Variants in BANP observed in about 807,000 individuals in gnomAD.
BANP encodes the protein BTG3 associated nuclear protein.
A neutral mutation model predicts 68.1 loss-of-function variants in BANP; 11 were observed. That is an observed-to-expected ratio of 0.16 (90% CI 0.10 to 0.27). The LOEUF is 0.27. Among genes scored for constraint, BANP ranks in the 10% least tolerant of loss-of-function variants. The probability of loss-of-function intolerance (pLI) is 1.00; values close to 1 mark genes in which losing one functional copy is unlikely to be tolerated. For missense variants in BANP, 504 were observed against 722.7 expected (o/e 0.70, Z 3.47); for synonymous variants, 329 against 303.2 (o/e 1.09, Z -0.88).
chr16:87,954,708 G>C (rs763160942), intron 1 of BANP, among the ~76,000 whole-genome samples: 1 of 152,232 alleles, frequency 6.6e-6, no homozygotes, highest in East Asian at 1.9e-4. Flanking sequence ...GGAGCCCCAC[G>C]CCTGTGCCCC....
At chr16:87,956,392 C>T (rs906978056) in intron 1 of BANP, among the ~76,000 whole-genome samples, 4 of 152,172 alleles carry the variant, frequency 2.6e-5, no homozygotes, top group African/African-American at 7.2e-5. Context: ...TCTCTTCACA[C>T]GGGTGACGGT....
intron 11 of BANP, among the ~76,000 whole-genome samples, chr16:88,040,586 C>G (rs1168897839): frequency 2.0e-5 from 3 of 152,218 alleles, no homozygotes; most frequent in Non-Finnish European, 4.4e-5. Flanking sequence ...GGCCCATTCC[C>G]TCTCCTCCCC....
chr16:88,037,677 G>A, intron 10 of BANP: 1 of 425,308 alleles, frequency 2.4e-6, no homozygotes, highest in East Asian at 4.7e-5. Context: ...TTGTGAGTCA[G>A]ATTCTTTCAA....
intron 11 of BANP, among the ~76,000 whole-genome samples, chr16:88,052,027 C>A (rs1408377619): frequency 6.6e-6 from 1 of 152,192 alleles, no homozygotes; most frequent in Non-Finnish European, 1.5e-5. Context: ...TAGCTGCCCT[C>A]AGATACCTCT....
chr16:88,020,518 G>A (rs1388680557), intron 7 of BANP, among the ~76,000 whole-genome samples: 5 of 152,284 alleles, frequency 3.3e-5, no homozygotes, highest in African/African-American at 9.6e-5. Context: ...GTGCGGTCAG[G>A]TAGATAGAAA....
At chr16:87,974,991 A>G (rs1396618817) in intron 1 of BANP, 57 bp from the exon 2 acceptor site, 3 of 796,268 alleles carry the variant, frequency 3.8e-6, no homozygotes, top group Admixed American at 4.6e-5. Context: ...GGTTTTCATA[A>G]TTTCACGTGT....
chr16:87,956,845 G>A (rs967075934), intron 1 of BANP: 7 of 152,138 alleles, frequency 4.6e-5, no homozygotes, highest in Admixed American at 2.6e-4. Flanking sequence ...AACACTCTCC[G>A]CCACCCTCCA....
chr16:88,060,335 T>G (rs1459769150), intron 11 of BANP, among the ~76,000 whole-genome samples: 1 of 152,214 alleles, frequency 6.6e-6, no homozygotes, highest in Non-Finnish European at 1.5e-5. Context: ...ACTTGGATGG[T>G]CAGTGTGGGG....
At chr16:88,038,404 G>A (rs1242468295) in intron 11 of BANP, among the ~76,000 whole-genome samples, 1 of 152,180 alleles carries the variant, frequency 6.6e-6, no homozygotes, top group African/African-American at 2.4e-5. Context: ...AGGGCTTGGG[G>A]GTTACATTTG....
At chr16:88,056,476 T>C (rs1223524864) in intron 11 of BANP, among the ~76,000 whole-genome samples, 1 of 147,832 alleles carries the variant, frequency 6.8e-6, no homozygotes, top group Non-Finnish European at 1.5e-5. Flanking sequence ...TTTTTTTTTT[T>C]AGAGAGAGAA....
At chr16:88,058,620 C>T (rs1345480516) in intron 11 of BANP, among the ~76,000 whole-genome samples, 4 of 152,158 alleles carry the variant, frequency 2.6e-5, no homozygotes, top group Non-Finnish European at 4.4e-5. Flanking sequence ...ATCGTTCTTT[C>T]CATTTTCTCT....
intron 4 of BANP, among the ~76,000 whole-genome samples, chr16:87,986,461 A>G (rs376800038): frequency 6.6e-6 from 1 of 152,288 alleles, no homozygotes; most frequent in East Asian, 1.9e-4. Context: ...CTTGGATTCC[A>G]TCTGCACAGG....
chr16:88,008,687 T>C (rs2072041996), intron 6 of BANP, among the ~76,000 whole-genome samples: 1 of 152,220 alleles, frequency 6.6e-6, no homozygotes, highest in African/African-American at 2.4e-5. Flanking sequence ...TTAAGTTTTT[T>C]TGATGTTTTG....
rs560902784 is a variant in BANP at position 87,986,502 on chromosome 16, G to C, written c.362+2243G>C. Reference sequence around the variant, plus strand: ...GCTTGGGCCTCTGACTGTCACAGTTGCCCTGACAGACACTGAGGTGACCTC... The same window carrying C: ...GCTTGGGCCTCTGACTGTCACAGTTCCCCTGACAGACACTGAGGTGACCTC... On this transcript the variant is annotated intron_variant, in intron 4 of 13. Transcript: ENST00000682872. Among the ~76,000 whole-genome samples, 7 of 152,188 alleles carry C rather than the reference G, an allele frequency of 4.6e-5. No homozygotes were observed. In the South Asian group the frequency reaches 1.4e-3, roughly 32 times the overall value.
intron 7 of BANP, among the ~76,000 whole-genome samples, chr16:88,025,366 T>C (rs1179489651): frequency 6.6e-6 from 1 of 152,204 alleles, no homozygotes; most frequent in Non-Finnish European, 1.5e-5. Flanking sequence ...CTAAAGTTGC[T>C]CAGCCTGGGG....
chr16:87,965,056 CTG>C (rs2059792521), intron 1 of BANP, among the ~76,000 whole-genome samples: 2 of 152,172 alleles, frequency 1.3e-5, no homozygotes, highest in Admixed American at 1.3e-4. Context: ...AAGCCACAGA[CTG>C]ATGAGCCGCT....
intron 8 of BANP, among the ~76,000 whole-genome samples, chr16:88,031,167 G>T (rs2078089395): frequency 6.6e-6 from 1 of 152,252 alleles, no homozygotes; most frequent in Non-Finnish European, 1.5e-5. Flanking sequence ...CTGCCTGGCG[G>T]TGGTTGCTTT....
chr16:87,963,997 C>G (rs1244018924), intron 1 of BANP, among the ~76,000 whole-genome samples: 1 of 152,196 alleles, frequency 6.6e-6, no homozygotes, highest in African/African-American at 2.4e-5. Flanking sequence ...TCCTGATGAC[C>G]AGCTACCGTT....
rs1188785109 is a variant in BANP at position 88,036,526 on chromosome 16, C to A, written c.1272+1132C>A. Among the ~76,000 whole-genome samples, 1 of 152,064 alleles carries A rather than the reference C, an allele frequency of 6.6e-6. No individual in the cohort carries two copies. ...CGTGGCACGTGGAGCACCAGGGACTCGGGCGTGTCTGCTGGCAGTGGCTTT... is the reference window on the plus strand; with the variant it reads ...CGTGGCACGTGGAGCACCAGGGACTAGGGCGTGTCTGCTGGCAGTGGCTTT... On this transcript the variant is annotated intron_variant, in intron 10 of 13. Transcript: ENST00000682872. The surrounding 1 kb of genome is among the most constrained non-coding windows in gnomAD (Gnocchi z 4.2).
Sources: allele counts gnomAD v4.1 joint callset (sites outside exome capture counted in the v4.1 genomes callset), GRCh38; gene constraint gnomAD v4.1.1; non-coding constraint Gnocchi (gnomAD v3.1); transcripts MANE v1.5; gene names NCBI Gene and HGNC (gene_info 2026-07-23, HGNC 2026-07-21).